The following PCDHA9 variants were observed in gnomAD, a reference collection of about 807,000 sequenced individuals.
PCDHA9 encodes protocadherin alpha-9.
In PCDHA9, 62 loss-of-function variants were observed where a neutral mutation model predicts 62.0. The observed-to-expected ratio is 1.00, with a 90% CI of 0.81 to 1.23. The LOEUF is 1.23. Ranked by LOEUF, PCDHA9 falls within the 50% of genes most tolerant of loss-of-function variation. The pLI, the probability that PCDHA9 is intolerant of heterozygous loss-of-function variation, is 0.00. For missense variants in PCDHA9, 1,205 were observed against 1,249.8 expected (o/e 0.96, Z 0.54); for synonymous variants, 557 against 567.6 (o/e 0.98, Z 0.27).
At position 140,895,475 on chromosome 5, in the gene PCDHA9, G is replaced by A. The variant is rs532993154; in HGVS notation, c.2394+44586G>A. Among the ~76,000 whole-genome samples the A allele has an allele frequency of 2.0e-4, 31 of 152,002 alleles. No individual in the cohort carries two copies. The South Asian group carries it at 5.0e-3, about 24-fold the overall frequency. On this transcript the variant is annotated intron_variant, in intron 1 of 3. Coordinates refer to ENST00000532602, the MANE Select transcript of PCDHA9 (RefSeq NM_031857.2). ...TATTGGTCATTTCTTTATCCTCTTC[G>A]GAGAAATACCTATTCAGAACTTTTG...
At chr5:140,875,397 G>T in intron 1 of PCDHA9, 2 of 1,480,686 alleles carry the variant, frequency 1.4e-6, no homozygotes, top group South Asian at 1.4e-5. Flanking sequence ...AGAAAAGGGT[G>T]ACTGCTCATA....
At chr5:140,965,893 C>G (rs1173111476) in intron 1 of PCDHA9, among the ~76,000 whole-genome samples, 1 of 152,226 alleles carries the variant, frequency 6.6e-6, no homozygotes, top group Non-Finnish European at 1.5e-5. Context: ...AGAATTGAGT[C>G]TTGGATCCCA....
intron 1 of PCDHA9, among the ~76,000 whole-genome samples, chr5:140,955,475 C>T (rs246017): frequency 0.56 from 85,566 of 151,816 alleles, 24,719 homozygotes; most frequent in African/African-American, 0.69. Context: ...TGCTTGGCAC[C>T]TCTCCTTCCT....
rs781865422 is a variant in PCDHA9, at chr5:140,871,237, C to T, written c.2394+20348C>T. 26 of 1,613,866 alleles carry T rather than the reference C, an allele frequency of 1.6e-5. 1 individual carries two copies. In the South Asian group the frequency reaches 2.3e-4, roughly 14 times the overall value. The stretch of plus-strand genomic sequence containing the variant: ...CTGCGTGGTGTCCAGCCTCCTGGTA[C>T]TCACGCTGCTGCTGTATACGGCGCT... On this transcript the variant is annotated intron_variant, in intron 1 of 3. Coordinates refer to ENST00000532602, the MANE Select transcript of PCDHA9 (RefSeq NM_031857.2).
chr5:140,988,623 T>C (rs147544785), intron 3 of PCDHA9, among the ~76,000 whole-genome samples: 188 of 152,312 alleles, frequency 1.2e-3, no homozygotes, highest in African/African-American at 3.6e-3. Context: ...AGAATGGAGA[T>C]GTCCTGGTTT....
At chr5:140,955,157 T>A (rs1554221797) in intron 1 of PCDHA9, among the ~76,000 whole-genome samples, 1 of 152,198 alleles carries the variant, frequency 6.6e-6, no homozygotes, top group Non-Finnish European at 1.5e-5. Context: ...ACCAGTACCG[T>A]GCTGTTTTGG....
chr5:140,857,420 G>A (rs2044582609), intron 1 of PCDHA9: 2 of 1,598,360 alleles, frequency 1.3e-6, no homozygotes, highest in Non-Finnish European at 1.7e-6. Flanking sequence ...CGCGCAGTCC[G>A]AGTACACGGT....
At chr5:140,919,358 T>C (rs2153553560) in intron 1 of PCDHA9, among the ~76,000 whole-genome samples, 1 of 152,356 alleles carries the variant, frequency 6.6e-6, no homozygotes, top group East Asian at 1.9e-4. Flanking sequence ...AATCTAAAAG[T>C]GTCTCCTGCA....
intron 1 of PCDHA9, chr5:140,862,278 C>G (rs1367349322): frequency 7.9e-6 from 2 of 252,960 alleles, no homozygotes; most frequent in Middle Eastern, 1.4e-3. Context: ...CTATCATTCC[C>G]TGTACAGGAG....
At chr5:140,905,135 T>G (rs2071619691) in intron 1 of PCDHA9, among the ~76,000 whole-genome samples, 1 of 152,208 alleles carries the variant, frequency 6.6e-6, no homozygotes, top group Admixed American at 6.5e-5. Context: ...GAAGAGTTTT[T>G]CTGCTGTTAT....
intron 1 of PCDHA9, among the ~76,000 whole-genome samples, chr5:140,903,921 G>C (rs1282440912): frequency 6.6e-6 from 1 of 152,198 alleles, no homozygotes; most frequent in African/African-American, 2.4e-5. Flanking sequence ...CTTCCTTGCT[G>C]CATTGGATAA....
intron 1 of PCDHA9, among the ~76,000 whole-genome samples, chr5:140,904,496 A>G (rs1174844806): frequency 1.3e-5 from 2 of 151,832 alleles, no homozygotes; most frequent in Non-Finnish European, 2.9e-5. Context: ...CCAAATTTTT[A>G]CAATTGTGAA....
intron 1 of PCDHA9, among the ~76,000 whole-genome samples, chr5:140,910,829 C>G (rs938702955): frequency 6.6e-6 from 1 of 152,184 alleles, no homozygotes; most frequent in Non-Finnish European, 1.5e-5. Flanking sequence ...TAAATTCAGC[C>G]TGATCCAATG....
intron 1 of PCDHA9, chr5:140,856,628 G>C (rs782445037): frequency 1.9e-6 from 3 of 1,598,180 alleles, no homozygotes; most frequent in East Asian, 4.5e-5. Context: ...CCCAGTGCTT[G>C]TTCTGCGGAA....
intron 1 of PCDHA9, among the ~76,000 whole-genome samples, chr5:140,888,838 A>G (rs2061999996): frequency 6.6e-6 from 1 of 152,078 alleles, no homozygotes; most frequent in East Asian, 1.9e-4. Flanking sequence ...ACTCCACTGC[A>G]GCCTGGTGAC....
In PCDHA9 at chr5:140,888,611, G is replaced by C. The variant is rs1554183538; in HGVS notation, c.2394+37722G>C. Reference sequence around the variant, plus strand: ...CACATTCAGAGCAGCTTTTAGTGTAGCACTAATTCGGCCTTCTATTACAGC... The same window carrying C: ...CACATTCAGAGCAGCTTTTAGTGTACCACTAATTCGGCCTTCTATTACAGC... On this transcript the variant is annotated intron_variant, in intron 1 of 3. Transcript: ENST00000532602. Among the ~76,000 whole-genome samples the C allele has an allele frequency of 2.0e-5, 3 of 152,144 alleles. No homozygotes were observed. In the East Asian group the frequency reaches 5.8e-4, roughly 29 times the overall value.
In PCDHA9 at chr5:140,875,915, T is replaced by G. The variant is rs782225928; in HGVS notation, c.2394+25026T>G. On this transcript the variant is annotated intron_variant, in intron 1 of 3. Transcript: ENST00000532602. Reference sequence around the variant, plus strand: ...GTACCTGTTTCTGAATCTGCGCCTCTGGACTCTCATTTTCCTCTAGAGGGC... The same window carrying G: ...GTACCTGTTTCTGAATCTGCGCCTCGGGACTCTCATTTTCCTCTAGAGGGC... 3.7e-6 allele frequency: 6 copies of G among 1,614,096 alleles called. No homozygotes were observed. In the African/African-American group the frequency reaches 6.7e-5, roughly 18 times the overall value.
intron 1 of PCDHA9, among the ~76,000 whole-genome samples, chr5:140,872,655 G>A (rs1474105243): frequency 6.6e-6 from 1 of 152,046 alleles, no homozygotes; most frequent in African/African-American, 2.4e-5. Context: ...CAAGAGATTT[G>A]TCAACTATTG....
intron 1 of PCDHA9, among the ~76,000 whole-genome samples, chr5:140,954,197 G>T (rs2153701837): frequency 6.6e-6 from 1 of 152,270 alleles, no homozygotes; most frequent in Non-Finnish European, 1.5e-5. Context: ...ATGGGCATTT[G>T]GGTTGATCCC....
Sources: gnomAD v4.1 joint callset for allele counts (sites outside exome capture counted in the v4.1 genomes callset) on GRCh38, gnomAD v4.1.1 for gene constraint, MANE v1.5 for transcripts, NCBI Gene and HGNC (gene_info 2026-07-23, HGNC 2026-07-21) for gene names.